HMCN2: variants seen among roughly 807,000 people sequenced by gnomAD.
HMCN2 encodes hemicentin 2.
Under a neutral mutation model 377.5 loss-of-function variants are expected in HMCN2, and 325 were observed. The ratio of observed to expected loss-of-function variants is 0.86; its 90% CI spans 0.79 to 0.94. The LOEUF (loss-of-function observed/expected upper bound fraction) is 0.94. Among genes scored for constraint, HMCN2 ranks in the 40% least tolerant of loss-of-function variants. The probability of loss-of-function intolerance (pLI) is 0.00; values close to 1 mark genes in which losing one functional copy is unlikely to be tolerated. For synonymous variants in HMCN2, 2,007 were observed against 2,046.8 expected, an observed-to-expected ratio of 0.98 and a Z score of 0.53; for missense variants, 4,543 against 4,725.3, an observed-to-expected ratio of 0.96 and a Z score of 1.13.
rs28970815 is a variant in HMCN2, at chr9:130,347,921, G to T, written c.4024+561G>T. On this transcript the variant is annotated intron_variant, in intron 26 of 97. Coordinates refer to ENST00000683500, the MANE Select transcript of HMCN2 (RefSeq NM_001291815.2). The surrounding 1 kb of genome is among the most constrained non-coding windows in gnomAD (Gnocchi z 5.1). ...GTGCAGAGCCCCAGAGCCCACCTCC[G>T]GGTTAAAACTGTTACCCCTGGTCTC... 0.71 allele frequency: 608,002 copies of T among 853,968 alleles called. 218,679 individuals carry two copies. Among genetic ancestry groups the T allele is most frequent in the Non-Finnish European group, 0.74 (523,061 of 710,776 alleles). The allele number at this position is 853,968 out of a possible 1,614,324, so 52.9% of individuals were successfully genotyped here.
intron 65 of HMCN2, 62 bp downstream of exon 65, chr9:130,391,636 CAT>C (rs1842327755): frequency 1.0e-6 from 1 of 985,210 alleles, no homozygotes; most frequent in African/African-American, 1.7e-5. Context: ...GATAAGGCGA[CAT>C]GTGAGCAAAG....
chr9:130,381,449 A>G (rs899665675), intron 54 of HMCN2, among the ~76,000 whole-genome samples: 2 of 151,850 alleles, frequency 1.3e-5, no homozygotes, highest in Admixed American at 6.6e-5. Flanking sequence ...GCTCACTGCA[A>G]CCTCTGCCTC....
rs1842834453 is a variant in HMCN2, at chr9:130,400,947, G to T, written c.11770G>T (p.Gly3924Cys). ...RGSGYRVSPS[G>C]ALEIGQALPI... Reference sequence around the variant, plus strand: ...GAGTGGCTATCGTGTCTCACCATCGGGTAAGTAAGGGTAAGCCACAGAGAG... The same window carrying T: ...GAGTGGCTATCGTGTCTCACCATCGTGTAAGTAAGGGTAAGCCACAGAGAG... Residue 3924 changes from glycine to cysteine, a missense_variant and splice_region_variant, in exon 77 of 98, where the codon GGC becomes TGC. Transcript: ENST00000683500. 2 of 1,284,942 alleles carry T rather than the reference G, an allele frequency of 1.6e-6. No homozygotes were observed. The highest frequency in any genetic ancestry group is 2.0e-6 in the Non-Finnish European group (2 of 986,764). 79.6% of individuals were successfully genotyped at this position (1,284,942 alleles called of 1,614,324 possible).
At chr9:130,324,678 G>T (rs1214962545) in intron 19 of HMCN2, among the ~76,000 whole-genome samples, 1 of 152,016 alleles carries the variant, frequency 6.6e-6, no homozygotes, top group African/African-American at 2.4e-5. Context: ...AGGCTGGAGT[G>T]CAGTGGCGCA....
At chr9:130,382,636 G>A in intron 55 of HMCN2, 43 bp from the exon 56 acceptor site, 1 of 508,574 alleles carries the variant, frequency 2.0e-6, no homozygotes, top group African/African-American at 2.1e-5. Flanking sequence ...CCCGCCCCCA[G>A]GGACCTGTGC....
At chr9:130,377,262 C>T (rs1479228665) in intron 52 of HMCN2, among the ~76,000 whole-genome samples, 3 of 152,164 alleles carry the variant, frequency 2.0e-5, no homozygotes, top group South Asian at 2.1e-4. Flanking sequence ...TATAGGCGCC[C>T]GCCACCACGC....
At chr9:130,334,361 A>G (rs1838592756) in intron 22 of HMCN2, among the ~76,000 whole-genome samples, 1 of 151,986 alleles carries the variant, frequency 6.6e-6, no homozygotes, top group African/African-American at 2.4e-5. Flanking sequence ...CATTTAGAGC[A>G]GACACAGGCT....
chr9:130,347,191 G>A lies in HMCN2; in HGVS notation c.3855G>A (p.Trp1285Ter), dbSNP rs903183667. Residue 1285 changes from tryptophan (W) to a stop codon, truncating the protein, a stop_gained, in exon 26 of 98, where the codon TGG (tryptophan) becomes TGA (stop). Coordinates refer to ENST00000683500, the MANE Select transcript of HMCN2 (RefSeq NM_001291815.2). LOFTEE classifies it high-confidence loss of function. This position sits in a 1 kb window ranked among gnomAD's most constrained non-coding sequence, Gnocchi z 5.1. ...ARGTPKPQVT[W>*]RKGPSSEPLH... The stretch of plus-strand genomic sequence containing the variant: ...GAACGCCCAAGCCGCAGGTCACATG[G>A]AGGAAGGGCCCGTCCTCGGAGCCCC... 2.0e-5 allele frequency: 3 copies of A among 152,296 alleles called. No homozygotes were observed. The highest frequency in any genetic ancestry group is 4.4e-5 in the Non-Finnish European group (3 of 68,102). 9.4% of individuals were successfully genotyped at this position (152,296 alleles called of 1,614,324 possible). A position where few individuals can be genotyped will look rare whatever the true frequency, so the allele number is the denominator to read the frequency against.
intron 75 of HMCN2, 27 bp from the exon 76 acceptor site, chr9:130,399,484 A>G (rs1224735254): frequency 7.9e-7 from 1 of 1,258,710 alleles, no homozygotes; most frequent in East Asian, 5.8e-5. Context: ...CCCAGCAGCC[A>G]CTTGGCCGTC....
At chr9:130,301,032 C>T (rs10988686) in intron 8 of HMCN2, among the ~76,000 whole-genome samples, 3,709 of 152,348 alleles carry the variant, frequency 0.024, 53 homozygotes, top group Non-Finnish European at 0.032. Context: ...GAGGCATCCT[C>T]CTCTGTCCAC....
chr9:130,269,456 A>G (rs1296251364), intron 1 of HMCN2, among the ~76,000 whole-genome samples: 1 of 147,762 alleles, frequency 6.8e-6, no homozygotes, highest in Non-Finnish European at 1.5e-5. Flanking sequence ...CATTTTTAAC[A>G]CACCGAGTGG....
intron 22 of HMCN2, among the ~76,000 whole-genome samples, chr9:130,333,066 G>A (rs1476953720): frequency 2.0e-5 from 3 of 152,160 alleles, no homozygotes; most frequent in Non-Finnish European, 2.9e-5. Flanking sequence ...CAATGAAGGC[G>A]GTGAAGGGAG....
Position 130,393,922 on chromosome 9 carries a change from T to G in HMCN2, c.10415T>G (p.Val3472Gly). The change falls in exon 68 of 98, where the codon GTG becomes GGG. Residue 3472 changes from valine (V) to glycine (G), a missense_variant. Coordinates refer to ENST00000683500, the MANE Select transcript of HMCN2 (RefSeq NM_001291815.2). The surrounding 1 kb of genome is among the most constrained non-coding windows in gnomAD (Gnocchi z 5.2). ...EQGPSLQLEA[V>G]GAGDSGTYSC... ...GGGCCCAGCCTGCAGCTGGAGGCAG[T>G]GGGAGCTGGTGACTCGGGGACCTAC... 1 of 1,289,348 alleles carries G rather than the reference T, an allele frequency of 7.8e-7. No individual in the cohort carries two copies. The highest frequency in any genetic ancestry group is 1.0e-6 in the Non-Finnish European group (1 of 988,762). 79.9% of individuals were successfully genotyped at this position (1,289,348 alleles called of 1,614,324 possible).
At position 130,304,288 on chromosome 9, in the gene HMCN2, C is replaced by T. The variant is rs1209643556; in HGVS notation, c.1544-442C>T. 2.6e-5 allele frequency among the ~76,000 whole-genome samples: 4 copies of T among 152,168 alleles called. No individual in the cohort carries two copies. The highest frequency in any genetic ancestry group is 4.1e-4 in the South Asian group (2 of 4,830). Reference sequence around the variant, plus strand: ...GCTATCCAGATAGCAGTTTGCTTAGCGCTTTCCTCCTTGGGGGCATATTTG... The same window carrying T: ...GCTATCCAGATAGCAGTTTGCTTAGTGCTTTCCTCCTTGGGGGCATATTTG... On this transcript the variant is annotated intron_variant, in intron 10 of 97. Transcript: ENST00000683500. This position sits in a 1 kb window ranked among gnomAD's most constrained non-coding sequence, Gnocchi z 4.3.
At chr9:130,433,162 T>C in intron 97 of HMCN2, 186 bp from the exon 98 acceptor site, 1 of 502,026 alleles carries the variant, frequency 2.0e-6, no homozygotes, top group Non-Finnish European at 3.4e-6. Context: ...GGGCTTCAGT[T>C]TGTTGAACTC....
intron 14 of HMCN2, 140 bp downstream of exon 14, chr9:130,307,706 C>T (rs562740203): frequency 7.2e-6 from 3 of 417,170 alleles, no homozygotes; most frequent in East Asian, 1.4e-4. Context: ...CAGCCAGTGT[C>T]AGAGCTGGTG....
chr9:130,349,234 C>A (rs970927504), intron 28 of HMCN2, 103 bp downstream of exon 28: 33 of 1,159,418 alleles, frequency 2.8e-5, no homozygotes, highest in Non-Finnish European at 3.6e-5. Flanking sequence ...CTGCGGAGAG[C>A]AGGGGGCACA....
chr9:130,412,567 C>CTTTTTTTTTTTTTTTTTTTTT (rs55873444), intron 85 of HMCN2, among the ~76,000 whole-genome samples: 1 of 134,526 alleles, frequency 7.4e-6, no homozygotes, highest in African/African-American at 2.7e-5. Flanking sequence ...CTTTCTTTCT[C>CTTTTTTTTTTTTTTTTTTTTT]TTTTTTTTTT....
rs533536857 is a variant in HMCN2, at chr9:130,373,237, G to A, written c.7438+113G>A. 7.6e-5 allele frequency: 15 copies of A among 197,694 alleles called. No homozygotes were observed. The South Asian group carries it at 2.6e-3, about 34-fold the overall frequency. The allele number at this position is 197,694 out of a possible 1,614,324, so 12.2% of individuals were successfully genotyped here. A position where few individuals can be genotyped will look rare whatever the true frequency, so the allele number is the denominator to read the frequency against. On this transcript the variant is annotated intron_variant, in intron 48 of 97. Transcript: ENST00000683500. ...CCCCAGCCCCACTCCTCCTGACTGGGGTCTCTCTACATCTTGGACTCGGCA... is the reference window on the plus strand; with the variant it reads ...CCCCAGCCCCACTCCTCCTGACTGGAGTCTCTCTACATCTTGGACTCGGCA...
Sources: allele counts gnomAD v4.1 joint callset (sites outside exome capture counted in the v4.1 genomes callset), GRCh38; gene constraint gnomAD v4.1.1; non-coding constraint Gnocchi (gnomAD v3.1); transcripts MANE v1.5; gene names NCBI Gene and HGNC (gene_info 2026-07-23, HGNC 2026-07-21).